The following PPFIBP2 variants were observed in gnomAD, a reference collection of about 807,000 sequenced individuals.
The protein encoded by PPFIBP2 is liprin-beta-2.
A neutral mutation model predicts 118.3 loss-of-function variants in PPFIBP2; 118 were observed. That is an observed-to-expected ratio of 1.00 (90% CI 0.86 to 1.16). The LOEUF (loss-of-function observed/expected upper bound fraction) is 1.16, where lower values mean the gene tolerates loss of function less well. Ranked by LOEUF, PPFIBP2 falls within the 50% of genes most tolerant of loss-of-function variation. The pLI is 0.00. For synonymous variants in PPFIBP2, 414 were observed against 397.4 expected, an observed-to-expected ratio of 1.04 and a Z score of -0.50; for missense variants, 1,195 against 1,073.1, an observed-to-expected ratio of 1.11 and a Z score of -1.59.
intron 1 of PPFIBP2, among the ~76,000 whole-genome samples, chr11:7,545,028 G>A (rs1400984883): frequency 6.6e-6 from 1 of 152,138 alleles, no homozygotes; most frequent in Non-Finnish European, 1.5e-5. Context: ...CAGACAGCAT[G>A]TTTACCTCTG....
At chr11:7,601,174 T>G (rs1861358329) in intron 5 of PPFIBP2, among the ~76,000 whole-genome samples, 1 of 152,220 alleles carries the variant, frequency 6.6e-6, no homozygotes, top group African/African-American at 2.4e-5. Context: ...ACCTAGTTCA[T>G]GAACAATATA....
chr11:7,582,765 C>T (rs1485798358), intron 3 of PPFIBP2, among the ~76,000 whole-genome samples: 1 of 152,060 alleles, frequency 6.6e-6, no homozygotes, highest in African/African-American at 2.4e-5. Flanking sequence ...TTCACCCTCC[C>T]TCCCTTTCAC....
the PPFIBP2 span, among the ~76,000 whole-genome samples, chr11:7,664,014 G>C: frequency 1.3e-5 from 2 of 151,708 alleles, no homozygotes; most frequent in East Asian, 2.0e-4. Context: ...GCTCGCACAC[G>C]GTGCGCGCAC....
In PPFIBP2 at chr11:7,561,145, G is replaced by A. The variant is rs557524847; in HGVS notation, c.65-4408G>A. 2.6e-5 allele frequency among the ~76,000 whole-genome samples: 4 copies of A among 152,338 alleles called. No individual in the cohort carries two copies. In the East Asian group the frequency reaches 7.7e-4, roughly 29 times the overall value. On this transcript the variant is annotated intron_variant, in intron 2 of 23. Coordinates refer to ENST00000299492, the MANE Select transcript of PPFIBP2 (RefSeq NM_003621.5). ...TGCAATGGCACAATCTCAGCTCACTGCAACCTCTGCCTCCCAGGTTCAAGC... is the reference window on the plus strand; with the variant it reads ...TGCAATGGCACAATCTCAGCTCACTACAACCTCTGCCTCCCAGGTTCAAGC...
At chr11:7,594,401 A>G (rs1309577654) in intron 4 of PPFIBP2, among the ~76,000 whole-genome samples, 1 of 152,210 alleles carries the variant, frequency 6.6e-6, no homozygotes, top group East Asian at 1.9e-4. Context: ...GGGTATCTAC[A>G]ACTTGTGAGA....
intron 3 of PPFIBP2, among the ~76,000 whole-genome samples, chr11:7,572,207 C>T (rs1209830758): frequency 6.6e-6 from 1 of 152,068 alleles, no homozygotes; most frequent in Non-Finnish European, 1.5e-5. Context: ...TAGGTTGGCC[C>T]CTTCCATTCC....
intron 1 of PPFIBP2, among the ~76,000 whole-genome samples, chr11:7,531,095 G>A (rs1484302929): frequency 6.6e-6 from 1 of 152,100 alleles, no homozygotes; most frequent in African/African-American, 2.4e-5. Flanking sequence ...GGGCTACCTA[G>A]TACAGTGTCA....
chr11:7,547,850 C>G (rs1014244812), intron 1 of PPFIBP2, among the ~76,000 whole-genome samples: 1 of 152,116 alleles, frequency 6.6e-6, no homozygotes, highest in African/African-American at 2.4e-5. Context: ...AATCCCTGCC[C>G]TCTCCCCCTC....
At chr11:7,567,439 G>A (rs1331165878) in intron 3 of PPFIBP2, among the ~76,000 whole-genome samples, 2 of 152,178 alleles carry the variant, frequency 1.3e-5, no homozygotes, top group African/African-American at 4.8e-5. Context: ...CAATGGTTTA[G>A]GGAATGCCTT....
chr11:7,568,305 C>A (rs751571312), intron 3 of PPFIBP2, among the ~76,000 whole-genome samples: 11 of 152,172 alleles, frequency 7.2e-5, no homozygotes, highest in Non-Finnish European at 1.3e-4. Flanking sequence ...TGGTTCTTCC[C>A]ATCTTTTTTC....
chr11:7,577,800 C>T (rs1012351697), intron 3 of PPFIBP2, among the ~76,000 whole-genome samples: 2 of 152,074 alleles, frequency 1.3e-5, no homozygotes, highest in Admixed American at 6.5e-5. Flanking sequence ...TTATAGACAC[C>T]AGGGAGAAAA....
intron 1 of PPFIBP2, among the ~76,000 whole-genome samples, chr11:7,514,883 C>A (rs1027508058): frequency 6.6e-6 from 1 of 152,178 alleles, no homozygotes; most frequent in African/African-American, 2.4e-5. Flanking sequence ...TTAGAGCAGC[C>A]AGATATTTGG....
intron 5 of PPFIBP2, among the ~76,000 whole-genome samples, chr11:7,601,055 G>T (rs1472019288): frequency 6.6e-6 from 1 of 152,162 alleles, no homozygotes; most frequent in African/African-American, 2.4e-5. Context: ...CCCAAACCTT[G>T]TGCTTAAAGG....
chr11:7,565,836 G>A, intron 3 of PPFIBP2, 69 bp downstream of exon 3: 2 of 1,513,116 alleles, frequency 1.3e-6, no homozygotes, highest in South Asian at 2.4e-5. Flanking sequence ...GAGTGCCACT[G>A]CTGACTGGGG....
At chr11:7,558,922 T>C (rs764558385) in intron 2 of PPFIBP2, among the ~76,000 whole-genome samples, 6 of 152,196 alleles carry the variant, frequency 3.9e-5, no homozygotes, top group Non-Finnish European at 5.9e-5. Flanking sequence ...CTAGACTTCA[T>C]TGAGGTGATC....
chr11:7,633,031 C>A, intron 12 of PPFIBP2, 97 bp downstream of exon 12: 1 of 1,102,316 alleles, frequency 9.1e-7, no homozygotes, highest in Non-Finnish European at 1.4e-6. Context: ...GTGAGCATGG[C>A]CACTGAGTCC....
At chr11:7,666,264 A>G in the PPFIBP2 span, 18 of 599,550 alleles carry the variant, frequency 3.0e-5, no homozygotes, top group African/African-American at 1.5e-4. Flanking sequence ...ATTGCCCTTA[A>G]AAGCAGGCCA....
At chr11:7,633,822 GA>G (rs1590718875) in intron 12 of PPFIBP2, among the ~76,000 whole-genome samples, 1 of 152,336 alleles carries the variant, frequency 6.6e-6, no homozygotes, top group East Asian at 1.9e-4. Context: ...ATTTACAAGA[GA>G]CTAATATTTT....
chr11:7,597,881 C>T (rs1860667873), intron 5 of PPFIBP2: 5 of 531,476 alleles, frequency 9.4e-6, no homozygotes, highest in Non-Finnish European at 1.7e-5. Context: ...GGAAGGGCTG[C>T]CCTGAGATGA....
Sources: allele counts gnomAD v4.1 joint callset (sites outside exome capture counted in the v4.1 genomes callset), GRCh38; gene constraint gnomAD v4.1.1; transcripts MANE v1.5; gene names NCBI Gene and HGNC (gene_info 2026-07-23, HGNC 2026-07-21).